Variants in ABCA12 observed in about 807,000 individuals in gnomAD.
The protein encoded by ABCA12 is glucosylceramide transporter ABCA12.
ABCA12 carries 156 observed loss-of-function variants against 293.5 expected under a neutral mutation model. That is an observed-to-expected ratio of 0.53 (90% CI 0.47 to 0.61). The LOEUF (loss-of-function observed/expected upper bound fraction) is 0.61. Among genes scored for constraint, ABCA12 ranks in the 20% least tolerant of loss-of-function variants. The probability of loss-of-function intolerance (pLI) is 0.00; values close to 1 mark genes in which losing one functional copy is unlikely to be tolerated. For missense variants in ABCA12, 2,797 were observed against 3,090.2 expected (o/e 0.91, Z 2.25); for synonymous variants, 1,063 against 1,108.0 (o/e 0.96, Z 0.81).
intron 7 of ABCA12, 129 bp from the exon 8 acceptor site, chr2:215,037,194 T>C (rs1203192547): frequency 1.2e-5 from 9 of 735,000 alleles, no homozygotes; most frequent in Non-Finnish European, 2.1e-5. Flanking sequence ...GATGCTACTT[T>C]TTGTAATTTA....
chr2:215,057,082 A>G (rs1356127787), intron 3 of ABCA12, among the ~76,000 whole-genome samples: 2 of 152,070 alleles, frequency 1.3e-5, no homozygotes, highest in South Asian at 2.1e-4. Flanking sequence ...CTAACATAGT[A>G]TAGGACCATA....
intron 21 of ABCA12, 94 bp from the exon 22 acceptor site, chr2:215,001,114 C>T: frequency 8.2e-6 from 10 of 1,226,844 alleles, no homozygotes; most frequent in Non-Finnish European, 1.2e-5. Flanking sequence ...GCCAAACAGT[C>T]AATTGAGTTA....
At chr2:214,963,958 A>C (rs1230628011) in intron 39 of ABCA12, among the ~76,000 whole-genome samples, 1 of 151,056 alleles carries the variant, frequency 6.6e-6, no homozygotes, top group African/African-American at 2.4e-5. Flanking sequence ...TCAGGCCAAT[A>C]TCCTTGATGA....
In ABCA12 at chr2:215,092,442, C is replaced by T. The variant is rs537008542; in HGVS notation, c.163+19155G>A. Among the ~76,000 whole-genome samples, 105 of 152,214 alleles carry T rather than the reference C, an allele frequency of 6.9e-4. 1 individual carries two copies. Among genetic ancestry groups the T allele is most frequent in the African/African-American group, 2.5e-3 (102 of 41,532 alleles). On this transcript the variant is annotated intron_variant, in intron 2 of 52. Coordinates refer to ENST00000272895, the MANE Select transcript of ABCA12 (RefSeq NM_173076.3). ...CTTCTCCCCAACCCAAAGCCTCCTT[C>T]GTGTCTTCCTCTTGTATCCCCCGAC...
At chr2:215,084,979 AGC>A (rs1702010333) in intron 2 of ABCA12, among the ~76,000 whole-genome samples, 1 of 151,126 alleles carries the variant, frequency 6.6e-6, no homozygotes, top group African/African-American at 2.4e-5. Context: ...CTGTAGTCCT[AGC>A]TACTTGGGAG....
intron 2 of ABCA12, among the ~76,000 whole-genome samples, chr2:215,096,049 A>T (rs950596791): frequency 6.6e-6 from 1 of 152,194 alleles, no homozygotes; most frequent in Non-Finnish European, 1.5e-5. Flanking sequence ...TAACAAATAC[A>T]CCAGAAGACC....
intron 45 of ABCA12, among the ~76,000 whole-genome samples, chr2:214,949,813 T>G (rs777954002): frequency 1.3e-5 from 2 of 152,214 alleles, no homozygotes; most frequent in Non-Finnish European, 2.9e-5. Flanking sequence ...CTGACCAAAG[T>G]CTACCCCACA....
intron 1 of ABCA12, among the ~76,000 whole-genome samples, chr2:215,123,585 A>G (rs765171334): frequency 1.3e-5 from 2 of 152,266 alleles, no homozygotes; most frequent in South Asian, 2.1e-4. Flanking sequence ...CTTTGGGTGG[A>G]TACACAGTAG....
chr2:215,124,503 G>A (rs1216851399), intron 1 of ABCA12, among the ~76,000 whole-genome samples: 1 of 152,152 alleles, frequency 6.6e-6, no homozygotes, highest in African/African-American at 2.4e-5. Flanking sequence ...ATTCTTGCAG[G>A]AGTGAAGCGG....
chr2:214,944,615 G>A (rs1698518608), intron 49 of ABCA12, among the ~76,000 whole-genome samples: 1 of 151,732 alleles, frequency 6.6e-6, no homozygotes, highest in Non-Finnish European at 1.5e-5. Context: ...CTTGCATGTT[G>A]AGCCTAAAGA....
At chr2:215,025,961 C>T (rs945809145) in intron 10 of ABCA12, among the ~76,000 whole-genome samples, 182 bp from the exon 11 acceptor site, 3 of 152,118 alleles carry the variant, frequency 2.0e-5, no homozygotes, top group Non-Finnish European at 4.4e-5. Context: ...CAACAGAGTT[C>T]ATTATTTTAA....
chr2:215,134,067 G>A (rs1290678047), intron 1 of ABCA12, among the ~76,000 whole-genome samples: 2 of 151,884 alleles, frequency 1.3e-5, no homozygotes, highest in Non-Finnish European at 2.9e-5. Context: ...AAAAAAAAGA[G>A]AGAGACATTT....
chr2:214,935,961 G>C (rs1188351657), intron 51 of ABCA12, among the ~76,000 whole-genome samples: 1 of 151,990 alleles, frequency 6.6e-6, no homozygotes, highest in Non-Finnish European at 1.5e-5. Context: ...TTAACATTGT[G>C]CCTTATAATT....
In ABCA12 at chr2:215,052,512, A is replaced by G. The variant is rs1481610281; in HGVS notation, c.482T>C (p.Leu161Pro). 3 of 1,612,668 alleles carry G rather than the reference A, an allele frequency of 1.9e-6. No homozygotes were observed. In the South Asian group the frequency reaches 3.3e-5, roughly 18 times the overall value. ...CTTTTCCAAGCCAAGAATTCGTGCG[A>G]GCACTTGACTGCCATTGAAAGTATA... ...GTYTFNGSQVLARILGLEKLL... is the reference protein window; with the variant it reads ...GTYTFNGSQVPARILGLEKLL... The change falls in exon 5 of 53, where the codon CTC becomes CCC. Residue 161 changes from leucine to proline, a missense_variant. Transcript: ENST00000272895.
chr2:214,944,064 T>A (rs1698496440), intron 49 of ABCA12, among the ~76,000 whole-genome samples: 2 of 152,272 alleles, frequency 1.3e-5, no homozygotes, highest in South Asian at 4.2e-4. Flanking sequence ...AGGAGAGGTA[T>A]GTGAGCTGGT....
chr2:215,036,956 G>A lies in ABCA12; in HGVS notation c.982C>T (p.Gln328Ter). 1 of 1,613,088 alleles carries A rather than the reference G, an allele frequency of 6.2e-7. No individual in the cohort carries two copies. The highest frequency in any genetic ancestry group is 8.5e-7 in the Non-Finnish European group (1 of 1,179,174). The change falls in exon 8 of 53, where the codon CAA becomes TAA. Residue 328 changes from glutamine to a stop codon, truncating the protein, a stop_gained. Transcript: ENST00000272895. LOFTEE classifies it high-confidence loss of function. ...HLLYTLDSPA[Q>*]GDSDNITHVW... is the part of the protein sequence containing the mutation. ...CAGTAAGATGGAAATATAATACCTT[G>A]AGCTGGGGAGTCCAGAGTGTACAGC...
At chr2:215,128,628 T>C (rs1702979840) in intron 1 of ABCA12, among the ~76,000 whole-genome samples, 1 of 151,606 alleles carries the variant, frequency 6.6e-6, no homozygotes, top group Non-Finnish European at 1.5e-5. Flanking sequence ...TAAAAGTTTG[T>C]CCAAAGTTTC....
At chr2:214,985,239 CTT>C (rs1699760497) in intron 28 of ABCA12, among the ~76,000 whole-genome samples, 3 of 152,198 alleles carry the variant, frequency 2.0e-5, no homozygotes, top group African/African-American at 7.2e-5. Flanking sequence ...TCATTAGCCT[CTT>C]ATTGCCTATT....
At chr2:215,128,222 T>C (rs1702970027) in intron 1 of ABCA12, among the ~76,000 whole-genome samples, 2 of 152,220 alleles carry the variant, frequency 1.3e-5, no homozygotes. Flanking sequence ...GTCTCACAGC[T>C]CTTAAGACTC....
Sources: allele counts gnomAD v4.1 joint callset (sites outside exome capture counted in the v4.1 genomes callset), GRCh38; gene constraint gnomAD v4.1.1; transcripts MANE v1.5; gene names NCBI Gene and HGNC (gene_info 2026-07-23, HGNC 2026-07-21).